The following IL19 variants were observed in gnomAD, a reference collection of about 807,000 sequenced individuals.
IL19 encodes the protein interleukin-19.
In IL19, 15 loss-of-function variants were observed where a neutral mutation model predicts 19.5. The ratio of observed to expected loss-of-function variants is 0.77; its 90% CI spans 0.52 to 1.19. The LOEUF (loss-of-function observed/expected upper bound fraction) is 1.19. IL19 is among the 50% of genes most tolerant of loss of function. The probability of loss-of-function intolerance (pLI) is 0.00; values close to 1 mark genes in which losing one functional copy is unlikely to be tolerated. For synonymous variants in IL19, 78 were observed against 78.3 expected (o/e 1.00, Z 0.02); for missense variants, 199 against 213.1 (o/e 0.93, Z 0.41).
chr1:206,822,636 A>G (rs1269920279), intron 2 of IL19, among the ~76,000 whole-genome samples: 1 of 152,194 alleles, frequency 6.6e-6, no homozygotes, highest in African/African-American at 2.4e-5. Flanking sequence ...TAAATAAATT[A>G]ATATATTGAA....
In IL19 at chr1:206,842,334, C is replaced by T. The variant is rs144336538; in HGVS notation, c.439-193C>T. 2.0e-3 allele frequency among the ~76,000 whole-genome samples: 308 copies of T among 152,190 alleles called. 2 individuals are homozygous for T. Among genetic ancestry groups the T allele is most frequent in the African/African-American group, 7.0e-3 (292 of 41,520 alleles). On this transcript the variant is annotated intron_variant, in intron 6 of 6. Transcript: ENST00000659997. ...ATAAGGAGCTGACATAATTTAACTA[C>T]TTGTTTGTGGGGAAAAAAATTGGTT...
intron 1 of IL19, among the ~76,000 whole-genome samples, chr1:206,786,033 G>C (rs1675263158): frequency 6.6e-6 from 1 of 152,096 alleles, no homozygotes; most frequent in Non-Finnish European, 1.5e-5. Flanking sequence ...AAGTGAAAGG[G>C]GAGGGATATA....
chr1:206,838,324 G>T (rs1178135297), intron 4 of IL19, among the ~76,000 whole-genome samples: 1 of 152,158 alleles, frequency 6.6e-6, no homozygotes, highest in Non-Finnish European at 1.5e-5. Context: ...GTTTTGGGAG[G>T]GATTTTGTAT....
intron 1 of IL19, among the ~76,000 whole-genome samples, chr1:206,796,401 A>T (rs148248891): frequency 6.6e-6 from 1 of 152,204 alleles, no homozygotes; most frequent in Non-Finnish European, 1.5e-5. Flanking sequence ...TAAATTAGCC[A>T]TCACAATCCT....
intron 1 of IL19, among the ~76,000 whole-genome samples, chr1:206,771,977 TCTC>T (rs1674860242): frequency 6.6e-6 from 1 of 152,186 alleles, no homozygotes; most frequent in Admixed American, 6.5e-5. Context: ...TTTCTTTACT[TCTC>T]CTAGCCAATA....
intron 2 of IL19, among the ~76,000 whole-genome samples, chr1:206,802,158 G>A (rs1675728397): frequency 6.6e-6 from 1 of 152,132 alleles, no homozygotes; most frequent in Admixed American, 6.5e-5. Flanking sequence ...CATAGAGAAG[G>A]GAACAGAGGC....
chr1:206,785,444 A>G (rs1307111149), intron 1 of IL19, among the ~76,000 whole-genome samples: 1 of 152,174 alleles, frequency 6.6e-6, no homozygotes, highest in Admixed American at 6.5e-5. Context: ...CCATGAAAAT[A>G]ACACTGAAAT....
intron 1 of IL19, among the ~76,000 whole-genome samples, chr1:206,795,540 T>C (rs1675502292): frequency 6.6e-6 from 1 of 152,168 alleles, no homozygotes; most frequent in Admixed American, 6.5e-5. Context: ...TTTGACTCCT[T>C]CCCACACCTT....
At chr1:206,816,959 C>T (rs1165004825) in intron 2 of IL19, among the ~76,000 whole-genome samples, 1 of 152,156 alleles carries the variant, frequency 6.6e-6, no homozygotes, top group Non-Finnish European at 1.5e-5. Flanking sequence ...AAAGCTGAAA[C>T]TGAAACTGTG....
At chr1:206,814,497 C>A (rs1443049113) in intron 2 of IL19, among the ~76,000 whole-genome samples, 1 of 148,434 alleles carries the variant, frequency 6.7e-6, no homozygotes, top group Non-Finnish European at 1.5e-5. Flanking sequence ...TCGAGATCAG[C>A]CTAACCAATA....
chr1:206,815,001 G>C lies in IL19; in HGVS notation c.-3+15995G>C, dbSNP rs147404592. ...TGCTCACAAATATACAATCTGGGCA[G>C]GGCTCAGTACAGATAGGTCATTTCT... On this transcript the variant is annotated intron_variant, in intron 2 of 6. Transcript: ENST00000659997. Among the ~76,000 whole-genome samples the C allele has an allele frequency of 1.6e-3, 244 of 152,298 alleles. 6 individuals are homozygous for C. The East Asian group carries it at 0.041, about 26-fold the overall frequency.
At chr1:206,831,581 T>C (rs1393726484) in intron 2 of IL19, among the ~76,000 whole-genome samples, 2 of 152,214 alleles carry the variant, frequency 1.3e-5, no homozygotes, top group Non-Finnish European at 2.9e-5. Context: ...AATTATAAAA[T>C]TGATAATAAA....
At chr1:206,840,699 G>T in intron 5 of IL19, 1 of 312,996 alleles carries the variant, frequency 3.2e-6, no homozygotes, top group Non-Finnish European at 5.9e-6. Context: ...TTTAACAAAT[G>T]TTTGTTGAGT....
chr1:206,821,513 T>C (rs958244787), intron 2 of IL19, among the ~76,000 whole-genome samples: 1 of 152,208 alleles, frequency 6.6e-6, no homozygotes, highest in African/African-American at 2.4e-5. Flanking sequence ...TTGGACAACG[T>C]TGGCACTTCC....
intron 1 of IL19, among the ~76,000 whole-genome samples, chr1:206,796,529 G>A (rs527503928): frequency 1.3e-4 from 20 of 152,210 alleles, no homozygotes; most frequent in South Asian, 2.1e-4. Flanking sequence ...TGTCAATAAT[G>A]GACCACATAT....
At chr1:206,776,909 C>CAAAAAA (rs1186364224) in intron 1 of IL19, among the ~76,000 whole-genome samples, 2 of 50,470 alleles carry the variant, frequency 4.0e-5, no homozygotes, top group African/African-American at 7.8e-5. Context: ...CTTGCAACTA[C>CAAAAAA]AAAAAAAAAA....
intron 2 of IL19, chr1:206,828,799 C>T (rs1460038319): frequency 6.6e-6 from 1 of 151,884 alleles, no homozygotes; most frequent in Non-Finnish European, 1.5e-5. Context: ...TAAACGTTTA[C>T]TTTTGTCTCT....
At chr1:206,825,472 G>T (rs1372075161) in intron 2 of IL19, among the ~76,000 whole-genome samples, 1 of 152,164 alleles carries the variant, frequency 6.6e-6, no homozygotes, top group Non-Finnish European at 1.5e-5. Flanking sequence ...ACCACATTTT[G>T]TTTAATCTTC....
At chr1:206,836,459 G>T (rs1212067481) in intron 2 of IL19, among the ~76,000 whole-genome samples, 1 of 151,900 alleles carries the variant, frequency 6.6e-6, no homozygotes, top group African/African-American at 2.4e-5. Context: ...GTGAGGGTGG[G>T]GAAGAACTCA....
Sources: gnomAD v4.1 joint callset for allele counts (sites outside exome capture counted in the v4.1 genomes callset) on GRCh38, gnomAD v4.1.1 for gene constraint, MANE v1.5 for transcripts, NCBI Gene and HGNC (gene_info 2026-07-23, HGNC 2026-07-21) for gene names.